The following ANO3 variants were observed in gnomAD, a reference collection of about 807,000 sequenced individuals.
ANO3 encodes anoctamin-3.
Under a neutral mutation model 144.8 loss-of-function variants are expected in ANO3, and 99 were observed. The ratio of observed to expected loss-of-function variants is 0.68; its 90% CI spans 0.58 to 0.81. The LOEUF (loss-of-function observed/expected upper bound fraction) is 0.81. Among genes scored for constraint, ANO3 ranks in the 30% least tolerant of loss-of-function variants. The probability of loss-of-function intolerance (pLI) is 0.00; values close to 1 mark genes in which losing one functional copy is unlikely to be tolerated. For missense variants in ANO3, 905 were observed against 1,202.2 expected (o/e 0.75, Z 3.66); for synonymous variants, 414 against 392.6 (o/e 1.05, Z -0.64).
intron 17 of ANO3, among the ~76,000 whole-genome samples, chr11:26,623,043 A>G (rs577059488): frequency 1.0e-3 from 152 of 152,322 alleles, no homozygotes; most frequent in African/African-American, 3.5e-3. Context: ...AGTAGGAATC[A>G]CCTGGTGTTC....
At chr11:26,229,037 G>A (rs573302371) in intron 1 of ANO3, among the ~76,000 whole-genome samples, 2 of 152,238 alleles carry the variant, frequency 1.3e-5, no homozygotes, top group East Asian at 1.9e-4. Flanking sequence ...CCTACAAAAT[G>A]TTTATGTTGT....
At chr11:26,189,044 C>T in exon 1 of ANO3, 1 of 271,804 alleles carries the variant, frequency 3.7e-6, no homozygotes, top group Non-Finnish European at 5.6e-6. Context: ...CTTTGGATTT[C>T]CAAGTGAAAA....
chr11:26,553,219 GT>G (rs201093158), intron 12 of ANO3, 29 bp from the exon 13 acceptor site: 3 of 1,197,676 alleles, frequency 2.5e-6, no homozygotes, highest in East Asian at 2.5e-5. Context: ...GCTATGTTTT[GT>G]TTTGTTTTTG....
intron 1 of ANO3, among the ~76,000 whole-genome samples, chr11:26,421,319 C>T (rs16915656): frequency 6.6e-6 from 1 of 151,866 alleles, no homozygotes; most frequent in African/African-American, 2.4e-5. Flanking sequence ...ATGATTTTGA[C>T]AAGGAAGACA....
At chr11:26,322,884 T>C (rs934601313) in intron 1 of ANO3, among the ~76,000 whole-genome samples, 1 of 152,146 alleles carries the variant, frequency 6.6e-6, no homozygotes, top group Non-Finnish European at 1.5e-5. Flanking sequence ...CGTCATTTAT[T>C]TGGAATTGTT....
chr11:26,538,017 G>T (rs1046873992), intron 10 of ANO3, among the ~76,000 whole-genome samples: 7 of 152,098 alleles, frequency 4.6e-5, no homozygotes, highest in Non-Finnish European at 8.8e-5. Flanking sequence ...TAAGAATGGG[G>T]TCTTTACAGG....
At chr11:26,195,967 G>A (rs191264832) in intron 1 of ANO3, among the ~76,000 whole-genome samples, 43 of 152,250 alleles carry the variant, frequency 2.8e-4, no homozygotes, top group Non-Finnish European at 4.4e-4. Context: ...TGGGTGAGAT[G>A]TTGCCCCATT....
intron 1 of ANO3, among the ~76,000 whole-genome samples, chr11:26,231,465 G>A (rs966316648): frequency 6.6e-5 from 10 of 152,152 alleles, no homozygotes; most frequent in African/African-American, 2.4e-4. Flanking sequence ...TCTCTGGAAA[G>A]GTGACTTGTC....
intron 1 of ANO3, among the ~76,000 whole-genome samples, chr11:26,374,519 A>T (rs1590305012): frequency 6.6e-6 from 1 of 152,350 alleles, no homozygotes; most frequent in East Asian, 1.9e-4. Flanking sequence ...TAAGTTTCTG[A>T]TAAAGGGAAA....
chr11:26,382,386 A>C lies in ANO3; in HGVS notation c.46+50065A>C, dbSNP rs191470726. 6.6e-5 allele frequency among the ~76,000 whole-genome samples: 10 copies of C among 152,256 alleles called. No homozygotes were observed. The East Asian group carries it at 1.9e-3, about 29-fold the overall frequency. ...AGTTTGCTGGGGTTTCTGGAGATTAAAATTTAATCAGCAAGAGCATTCTCT... is the reference window on the plus strand; with the variant it reads ...AGTTTGCTGGGGTTTCTGGAGATTACAATTTAATCAGCAAGAGCATTCTCT... On this transcript the variant is annotated intron_variant, in intron 1 of 26. Transcript: ENST00000256737.
At chr11:26,628,971 G>T (rs150059356) in intron 18 of ANO3, among the ~76,000 whole-genome samples, 1 of 152,026 alleles carries the variant, frequency 6.6e-6, no homozygotes, top group Non-Finnish European at 1.5e-5. Flanking sequence ...CTATACACAA[G>T]TGCTTATCCA....
chr11:26,618,818 T>C (rs1432080539), intron 17 of ANO3, among the ~76,000 whole-genome samples: 1 of 152,160 alleles, frequency 6.6e-6, no homozygotes, highest in African/African-American at 2.4e-5. Context: ...TCTTAATTTG[T>C]CTCCTTGGTG....
intron 17 of ANO3, among the ~76,000 whole-genome samples, chr11:26,612,786 A>AT (rs200825528): frequency 0.031 from 4,737 of 151,386 alleles, 72 homozygotes; most frequent in African/African-American, 0.044. Flanking sequence ...TGCCGGACAG[A>AT]TTTTTTTTTC....
intron 1 of ANO3, among the ~76,000 whole-genome samples, chr11:26,223,606 A>AAAAAT (rs1590202161): frequency 2.0e-5 from 3 of 151,298 alleles, no homozygotes; most frequent in Admixed American, 6.6e-5. Flanking sequence ...TTTTAATAAA[A>AAAAAT]AAAAAAAAAA....
chr11:26,469,277 T>A (rs906783184), intron 4 of ANO3, among the ~76,000 whole-genome samples: 15 of 151,858 alleles, frequency 9.9e-5, no homozygotes, highest in Non-Finnish European at 1.9e-4. Context: ...GTTTTCAGAG[T>A]TGCTTCAAAT....
chr11:26,189,156 T>A, exon 1 of ANO3: 1 of 977,186 alleles, frequency 1.0e-6, no homozygotes, highest in Non-Finnish European at 1.2e-6. Context: ...TTACTTTACA[T>A]AGTTATATGG....
At chr11:26,568,757 C>T (rs1850700033) in intron 14 of ANO3, among the ~76,000 whole-genome samples, 1 of 151,956 alleles carries the variant, frequency 6.6e-6, no homozygotes, top group Non-Finnish European at 1.5e-5. Context: ...TGATGCCTCA[C>T]CTAGTGTGTT....
At chr11:26,376,153 G>T (rs1856400120) in intron 1 of ANO3, among the ~76,000 whole-genome samples, 1 of 152,090 alleles carries the variant, frequency 6.6e-6, no homozygotes, top group South Asian at 2.1e-4. Context: ...ATTACCAAAT[G>T]ATAAGAAATC....
intron 4 of ANO3, among the ~76,000 whole-genome samples, chr11:26,478,108 A>G (rs1165142294): frequency 6.6e-6 from 1 of 152,174 alleles, no homozygotes; most frequent in Non-Finnish European, 1.5e-5. Flanking sequence ...ATAGGGGAAT[A>G]TAAAATTGTA....
Sources: allele counts gnomAD v4.1 joint callset (sites outside exome capture counted in the v4.1 genomes callset), GRCh38; gene constraint gnomAD v4.1.1; transcripts MANE v1.5; gene names NCBI Gene and HGNC (gene_info 2026-07-23, HGNC 2026-07-21).